The following SND1 variants were observed in gnomAD, a reference collection of about 807,000 sequenced individuals.
SND1 encodes the protein staphylococcal nuclease and tudor domain containing 1, also known as staphylococcal nuclease domain-containing protein 1.
A neutral mutation model predicts 121.7 loss-of-function variants in SND1; 38 were observed. The observed-to-expected ratio is 0.31, with a 90% confidence interval of 0.24 to 0.41. The LOEUF is 0.41. Ranked by LOEUF, SND1 falls within the 10% of genes least tolerant of loss-of-function variation. The pLI is 1.00. For synonymous variants in SND1, 401 were observed against 447.4 expected (o/e 0.90, Z 1.31); for missense variants, 868 against 1,184.6 (o/e 0.73, Z 3.92).
Position 128,052,666 on chromosome 7 carries a change from A to G in SND1, c.1780-21836A>G, listed in dbSNP as rs1793066666. On this transcript the variant is annotated intron_variant, in intron 16 of 23. Transcript: ENST00000354725. This position sits in a 1 kb window ranked among gnomAD's most constrained non-coding sequence, Gnocchi z 4.6. ...CTGCATACCAGGCTGTTTGCTGAAC[A>G]CAACTCGTCCGTCAAGGGAAATCAG... Among the ~76,000 whole-genome samples the G allele has an allele frequency of 6.6e-6, 1 of 152,246 alleles. No individual in the cohort carries two copies. Among genetic ancestry groups the G allele is most frequent in the Non-Finnish European group, 1.5e-5 (1 of 68,050 alleles).
At chr7:127,731,869 G>A (rs773544015) in intron 10 of SND1, among the ~76,000 whole-genome samples, 22 of 152,326 alleles carry the variant, frequency 1.4e-4, no homozygotes, top group Middle Eastern at 3.4e-3. Flanking sequence ...ACCTGATACC[G>A]TAGACGGAAC....
intron 10 of SND1, among the ~76,000 whole-genome samples, chr7:127,734,044 G>C (rs1796728984): frequency 6.6e-6 from 1 of 152,032 alleles, no homozygotes; most frequent in Admixed American, 6.6e-5. Context: ...CTAGATTGTT[G>C]CTCTTACCAA....
intron 12 of SND1, among the ~76,000 whole-genome samples, chr7:127,887,272 T>C (rs1050669778): frequency 3.3e-5 from 5 of 152,024 alleles, no homozygotes; most frequent in African/African-American, 1.2e-4. Context: ...GTTGGGATCA[T>C]AGGCATGAGC....
chr7:127,979,759 C>A (rs988808926), intron 15 of SND1, among the ~76,000 whole-genome samples: 1 of 152,156 alleles, frequency 6.6e-6, no homozygotes, highest in African/African-American at 2.4e-5. Context: ...AGGCTAAAAC[C>A]TTTGAAGAGG....
At chr7:128,003,694 T>C (rs1802891388) in intron 16 of SND1, among the ~76,000 whole-genome samples, 1 of 152,192 alleles carries the variant, frequency 6.6e-6, no homozygotes, top group Non-Finnish European at 1.5e-5. Context: ...CAACAAACAG[T>C]CCATTAGCAC....
intron 12 of SND1, among the ~76,000 whole-genome samples, chr7:127,864,093 A>G (rs1799426390): frequency 6.6e-6 from 1 of 152,112 alleles, no homozygotes; most frequent in African/African-American, 2.4e-5. Flanking sequence ...GATGATGTAT[A>G]AATGTTATAA....
chr7:127,983,024 G>A (rs1802302677), intron 15 of SND1, among the ~76,000 whole-genome samples: 1 of 152,234 alleles, frequency 6.6e-6, no homozygotes, highest in African/African-American at 2.4e-5. Flanking sequence ...GGGAATACCT[G>A]TCTATATATT....
intron 1 of SND1, among the ~76,000 whole-genome samples, chr7:127,665,344 G>A (rs57707296): frequency 0.088 from 13,321 of 151,814 alleles, 628 homozygotes; most frequent in South Asian, 0.16. Context: ...CCGCCACCAC[G>A]CCCGGCCAAT....
chr7:128,088,522 G>A (rs925727950), intron 21 of SND1, among the ~76,000 whole-genome samples: 25 of 143,170 alleles, frequency 1.7e-4, no homozygotes, highest in African/African-American at 2.6e-4. Flanking sequence ...GCACAATCTC[G>A]GCTCACTGCA....
chr7:127,718,770 A>T lies in SND1; in HGVS notation c.1039-2517A>T, dbSNP rs545914077. On this transcript the variant is annotated intron_variant, in intron 9 of 23. Coordinates refer to ENST00000354725, the MANE Select transcript of SND1 (RefSeq NM_014390.4). The stretch of plus-strand genomic sequence containing the variant: ...ATCAGCAGGTAAAGGTGTGAGCACT[A>T]TGATACTTTCTTTGGTTTTATTACT... 4.1e-6 allele frequency: 4 copies of T among 983,726 alleles called. No individual in the cohort carries two copies. In the South Asian group the frequency reaches 1.9e-4, roughly 46 times the overall value. 60.9% of individuals were successfully genotyped at this position (983,726 alleles called of 1,614,324 possible). A position where few individuals can be genotyped will look rare whatever the true frequency, so the allele number is the denominator to read the frequency against.
chr7:127,880,716 G>GGTGTGT lies in SND1; in HGVS notation c.1344-7169_1344-7164dup, dbSNP rs10655402. 1.0e-3 allele frequency among the ~76,000 whole-genome samples: 152 copies of GGTGTGT among 149,620 alleles called. 1 individual carries two copies. Among genetic ancestry groups the GGTGTGT allele is most frequent in the African/African-American group, 3.4e-3 (139 of 40,752 alleles). ...ATCCTTTTCAGCTGGAGAATGCAGGGGTGTGTGTGTGTGTGTGTGTGTATA... is the reference window on the plus strand; with the variant it reads ...ATCCTTTTCAGCTGGAGAATGCAGGGGTGTGTGTGTGTGTGTGTGTGTGTGTGTATA... On this transcript the variant is annotated intron_variant, in intron 12 of 23. Transcript: ENST00000354725.
At chr7:127,987,148 G>A (rs917621234) in intron 15 of SND1, among the ~76,000 whole-genome samples, 3 of 152,196 alleles carry the variant, frequency 2.0e-5, no homozygotes, top group Admixed American at 2.0e-4. Context: ...TGCAGCTCCA[G>A]TGATATCTCA....
chr7:128,076,672 C>T (rs13238717), intron 17 of SND1, among the ~76,000 whole-genome samples: 10,045 of 152,246 alleles, frequency 0.066, 424 homozygotes, highest in Middle Eastern at 0.19. Context: ...TGTCAAGAGA[C>T]AGTGGTTACA....
Position 127,893,000 on chromosome 7 carries a change from C to G in SND1, c.1454+4988C>G, listed in dbSNP as rs79286893. ...TTTTGTTTTAGTGTTTCTCAGTTAGCTGGCCTGCTACATATGCCTAGTCTT... is the reference window on the plus strand; with the variant it reads ...TTTTGTTTTAGTGTTTCTCAGTTAGGTGGCCTGCTACATATGCCTAGTCTT... On this transcript the variant is annotated intron_variant, in intron 13 of 23. Coordinates refer to ENST00000354725, the MANE Select transcript of SND1 (RefSeq NM_014390.4). Among the ~76,000 whole-genome samples the G allele has an allele frequency of 8.3e-3, 1,264 of 152,166 alleles. 16 individuals are homozygous for G. The highest frequency in any genetic ancestry group is 0.029 in the African/African-American group (1,208 of 41,516).
At chr7:127,997,134 C>T (rs1802679453) in intron 16 of SND1, among the ~76,000 whole-genome samples, 2 of 152,190 alleles carry the variant, frequency 1.3e-5, no homozygotes, top group Admixed American at 1.3e-4. Context: ...CCAAAATGCA[C>T]AGTAACTTGC....
chr7:128,074,488 T>C lies in SND1; in HGVS notation c.1780-14T>C, dbSNP rs769694241. 1.9e-6 allele frequency: 3 copies of C among 1,604,144 alleles called. No homozygotes were observed. Among genetic ancestry groups the C allele is most frequent in the Non-Finnish European group, 2.6e-6 (3 of 1,173,688 alleles). ...CCTGGCCCCCACAGGCTTACGCCTG[T>C]CTCTCTGTCCCAGGTGGAGGTGGAG... On this transcript the variant is annotated splice_polypyrimidine_tract_variant and intron_variant, in intron 16 of 23. Transcript: ENST00000354725.
intron 2 of SND1, among the ~76,000 whole-genome samples, chr7:127,690,361 T>G (rs1227763131): frequency 6.6e-6 from 1 of 152,194 alleles, no homozygotes; most frequent in Non-Finnish European, 1.5e-5. Flanking sequence ...CTGAAGAACT[T>G]AAGTCTTCCT....
At chr7:127,846,609 A>G (rs3779529) in intron 12 of SND1, among the ~76,000 whole-genome samples, 99,169 of 152,112 alleles carry the variant, frequency 0.65, 32,936 homozygotes, top group East Asian at 0.92. Flanking sequence ...TGAGTGATTC[A>G]TTAACTTTAT....
At chr7:127,749,085 C>T (rs1285321669) in intron 10 of SND1, among the ~76,000 whole-genome samples, 1 of 137,800 alleles carries the variant, frequency 7.3e-6, no homozygotes, top group Non-Finnish European at 1.5e-5. Flanking sequence ...CACTCTGTCA[C>T]CCAGGTAGTG....
Sources: gnomAD v4.1 joint callset for allele counts (sites outside exome capture counted in the v4.1 genomes callset) on GRCh38, gnomAD v4.1.1 for gene constraint, Gnocchi (gnomAD v3.1) non-coding constraint, MANE v1.5 for transcripts, NCBI Gene and HGNC (gene_info 2026-07-23, HGNC 2026-07-21) for gene names.